The following MBD5 variants were observed in gnomAD, a reference collection of about 807,000 sequenced individuals.
The protein encoded by MBD5 is methyl-CpG-binding domain protein 5.
A neutral mutation model predicts 117.3 loss-of-function variants in MBD5; 13 were observed. That is an observed-to-expected ratio of 0.11 (90% CI 0.07 to 0.18). MBD5 has a LOEUF of 0.18. MBD5 is among the 10% of genes least tolerant of loss of function. The probability of loss-of-function intolerance (pLI) is 1.00; values close to 1 mark genes in which losing one functional copy is unlikely to be tolerated. For synonymous variants in MBD5, 727 were observed against 766.4 expected (o/e 0.95, Z 0.85); for missense variants, 1,879 against 2,093.8 (o/e 0.90, Z 2.00).
intron 1 of MBD5, among the ~76,000 whole-genome samples, chr2:148,149,847 G>A (rs1228566699): frequency 2.0e-5 from 3 of 150,224 alleles, no homozygotes; most frequent in African/African-American, 7.4e-5. Flanking sequence ...TTAGCCCTTT[G>A]TCAGATGAGT....
chr2:148,160,580 C>T lies in MBD5; in HGVS notation c.-924-18120C>T, dbSNP rs551793056. Among the ~76,000 whole-genome samples the T allele has an allele frequency of 6.6e-5, 10 of 152,150 alleles. No individual in the cohort carries two copies. In the East Asian group the frequency reaches 1.9e-3, roughly 29 times the overall value. On this transcript the variant is annotated intron_variant, in intron 1 of 13. Coordinates refer to ENST00000642680, the MANE Select transcript of MBD5 (RefSeq NM_001378120.1). The stretch of plus-strand genomic sequence containing the variant: ...TAGAGGTGATGGCATTTTGAGTGGT[C>T]ATGTGAAATATGAGGGAAACTGTTG...
At chr2:148,423,434 C>A (rs1273342331) in intron 4 of MBD5, among the ~76,000 whole-genome samples, 1 of 152,070 alleles carries the variant, frequency 6.6e-6, no homozygotes, top group Non-Finnish European at 1.5e-5. Flanking sequence ...CCCAGAATTT[C>A]ATATCCAGCC....
intron 2 of MBD5, among the ~76,000 whole-genome samples, chr2:148,211,529 C>A (rs1116618): frequency 0.6 from 90,544 of 151,374 alleles, 29,606 homozygotes; most frequent in East Asian, 0.79. Context: ...TGATTATTTT[C>A]CTGTGTTTAT....
At chr2:148,154,348 G>T (rs545052004) in intron 1 of MBD5, among the ~76,000 whole-genome samples, 120 of 151,874 alleles carry the variant, frequency 7.9e-4, no homozygotes, top group African/African-American at 2.8e-3. Context: ...TGTCAGACAG[G>T]GACATTTAAG....
intron 3 of MBD5, among the ~76,000 whole-genome samples, chr2:148,317,996 G>A (rs1702194158): frequency 6.6e-6 from 1 of 152,118 alleles, no homozygotes; most frequent in Non-Finnish European, 1.5e-5. Context: ...AGGTTGAATT[G>A]TAGTTCTATT....
chr2:148,484,638 G>T (rs1403123937), intron 9 of MBD5, among the ~76,000 whole-genome samples: 1 of 152,162 alleles, frequency 6.6e-6, no homozygotes, highest in Non-Finnish European at 1.5e-5. Flanking sequence ...AACACGCAAA[G>T]CTAAAGTTTT....
At position 148,251,475 on chromosome 2, in the gene MBD5, G is replaced by A. The variant is rs547283140; in HGVS notation, c.-680+18080G>A. Among the ~76,000 whole-genome samples, 56 of 152,168 alleles carry A rather than the reference G, an allele frequency of 3.7e-4. 1 individual carries two copies. The South Asian group carries it at 7.5e-3, about 20-fold the overall frequency. On this transcript the variant is annotated intron_variant, in intron 3 of 13. Transcript: ENST00000642680. ...AATTTTGTTTTACAATGAGAAAAAAGCATTTGAAAGTATTTAATACCCATT... is the reference window on the plus strand; with the variant it reads ...AATTTTGTTTTACAATGAGAAAAAAACATTTGAAAGTATTTAATACCCATT...
intron 3 of MBD5, chr2:148,264,582 A>G (rs1211990695): frequency 3.9e-5 from 6 of 152,218 alleles, no homozygotes; most frequent in Non-Finnish European, 8.8e-5. Context: ...GTTTTAAACA[A>G]TAGAAGCCAG....
chr2:148,486,678 T>C (rs1351927129), intron 10 of MBD5, among the ~76,000 whole-genome samples: 2 of 152,076 alleles, frequency 1.3e-5, no homozygotes, highest in Non-Finnish European at 2.9e-5. Flanking sequence ...AAATTAGCAA[T>C]AGATATGAAC....
At chr2:148,340,837 T>TACACACACAC (rs141965837) in intron 3 of MBD5, among the ~76,000 whole-genome samples, 32 of 142,558 alleles carry the variant, frequency 2.2e-4, no homozygotes, top group East Asian at 8.3e-4. Flanking sequence ...AAACCACACA[T>TACACACACAC]ACACACACAC....
At chr2:148,165,315 A>G (rs548629234) in intron 1 of MBD5, among the ~76,000 whole-genome samples, 3 of 152,228 alleles carry the variant, frequency 2.0e-5, no homozygotes, top group African/African-American at 7.2e-5. Flanking sequence ...TGAATTAAAT[A>G]TGTTAACTCT....
chr2:148,244,550 T>G (rs1423289081), intron 3 of MBD5, among the ~76,000 whole-genome samples: 6 of 152,212 alleles, frequency 3.9e-5, no homozygotes, highest in African/African-American at 1.4e-4. Flanking sequence ...ACTTGATCAT[T>G]TTGTCTTTGT....
In MBD5 at chr2:148,288,339, G is replaced by T. The variant is rs893062595; in HGVS notation, c.-679-53875G>T. 4.9e-5 allele frequency among the ~76,000 whole-genome samples: 5 copies of T among 101,378 alleles called. No individual in the cohort carries two copies. The East Asian group carries it at 2.1e-3, about 42-fold the overall frequency. 66.5% of individuals were successfully genotyped at this position (101,378 alleles called of 152,430 possible). A position where few individuals can be genotyped will look rare whatever the true frequency, so the allele number is the denominator to read the frequency against. On this transcript the variant is annotated intron_variant, in intron 3 of 13. Coordinates refer to ENST00000642680, the MANE Select transcript of MBD5 (RefSeq NM_001378120.1). ...GGCGTGAACCCGGGAGGCGGAGCTT[G>T]CAGTGAGCTGAGATCCCGCCACTGC...
chr2:148,238,559 T>C (rs1419820424), intron 3 of MBD5, among the ~76,000 whole-genome samples: 1 of 152,220 alleles, frequency 6.6e-6, no homozygotes, highest in Non-Finnish European at 1.5e-5. Flanking sequence ...GTTCTATTAA[T>C]ATTAGTTTTC....
At chr2:148,029,790 GA>G (rs1693988460) in intron 1 of MBD5, among the ~76,000 whole-genome samples, 1 of 151,884 alleles carries the variant, frequency 6.6e-6, no homozygotes, top group Non-Finnish European at 1.5e-5. Flanking sequence ...TTTAGACCTT[GA>G]ATGACTAAAT....
At chr2:148,145,074 T>C (rs1479280163) in intron 1 of MBD5, among the ~76,000 whole-genome samples, 3 of 152,296 alleles carry the variant, frequency 2.0e-5, no homozygotes, top group East Asian at 3.9e-4. Flanking sequence ...TTATTCCTAT[T>C]CATGAGCATG....
chr2:148,499,809 C>T (rs944852738), intron 11 of MBD5, among the ~76,000 whole-genome samples: 13 of 151,956 alleles, frequency 8.6e-5, no homozygotes, highest in South Asian at 2.1e-4. Flanking sequence ...CCATTTTGGG[C>T]GGGGGTATCT....
intron 1 of MBD5, among the ~76,000 whole-genome samples, chr2:148,127,515 T>C (rs1288369844): frequency 6.6e-6 from 1 of 152,228 alleles, no homozygotes; most frequent in Non-Finnish European, 1.5e-5. Context: ...ATTAGTTTGC[T>C]GAGGATAACA....
chr2:148,066,342 G>C (rs1033585163), intron 1 of MBD5, among the ~76,000 whole-genome samples: 6 of 151,876 alleles, frequency 4.0e-5, no homozygotes, highest in Non-Finnish European at 8.8e-5. Flanking sequence ...AATAATAAAT[G>C]TATACCATTG....
Sources: allele counts gnomAD v4.1 joint callset (sites outside exome capture counted in the v4.1 genomes callset), GRCh38; gene constraint gnomAD v4.1.1; transcripts MANE v1.5; gene names NCBI Gene and HGNC (gene_info 2026-07-23, HGNC 2026-07-21).